The following ARHGAP12 variants were observed in gnomAD, a reference collection of about 807,000 sequenced individuals.
ARHGAP12 encodes rho GTPase-activating protein 12.
In ARHGAP12, 64 loss-of-function variants were observed where a neutral mutation model predicts 108.6. The ratio of observed to expected loss-of-function variants is 0.59; its 90% CI spans 0.48 to 0.73. The LOEUF is 0.73. Among genes scored for constraint, ARHGAP12 ranks in the 30% least tolerant of loss-of-function variants. The probability of loss-of-function intolerance (pLI) is 0.00; values close to 1 mark genes in which losing one functional copy is unlikely to be tolerated. For missense variants in ARHGAP12, 940 were observed against 1,005.9 expected (o/e 0.93, Z 0.89); for synonymous variants, 312 against 337.2 (o/e 0.93, Z 0.82).
intron 1 of ARHGAP12, among the ~76,000 whole-genome samples, chr10:31,923,087 T>C (rs773331807): frequency 1.9e-4 from 25 of 132,934 alleles, no homozygotes; most frequent in Non-Finnish European, 2.4e-4. Flanking sequence ...ACTGTGAACA[T>C]GCCACTGTAC....
intron 3 of ARHGAP12, among the ~76,000 whole-genome samples, chr10:31,879,829 G>A (rs1382698556): frequency 6.6e-6 from 1 of 152,230 alleles, no homozygotes; most frequent in Non-Finnish European, 1.5e-5. Flanking sequence ...GATATCCCAT[G>A]CATTCCAAGT....
Position 31,805,723 on chromosome 10 carries a change from T to C in ARHGAP12, c.*1935A>G, listed in dbSNP as rs1834801446. ...AAGAAACACAGGACAATTTTAATCT[T>C]TGATATATGTTCATGAACACCAAGA... On this transcript the variant is annotated 3_prime_UTR_variant, in exon 20 of 20. Coordinates refer to ENST00000344936, the MANE Select transcript of ARHGAP12 (RefSeq NM_018287.7). 6.6e-6 allele frequency: 1 copy of C among 151,508 alleles called. No individual in the cohort carries two copies. Among genetic ancestry groups the C allele is most frequent in the African/African-American group, 2.4e-5 (1 of 41,088 alleles). The allele number at this position is 151,508 out of a possible 1,614,324, so 9.4% of individuals were successfully genotyped here. A position where few individuals can be genotyped will look rare whatever the true frequency, so the allele number is the denominator to read the frequency against.
intron 3 of ARHGAP12, among the ~76,000 whole-genome samples, chr10:31,878,652 T>G (rs1352544963): frequency 6.6e-6 from 1 of 152,252 alleles, no homozygotes; most frequent in Admixed American, 6.5e-5. Context: ...TGCCTTCTTT[T>G]GTAAATAAAG....
Position 31,812,758 on chromosome 10 carries a change from G to T in ARHGAP12, c.1900C>A (p.Leu634Ile). ...KKTKKNLKKFLTRRPTLQAVR... is the reference protein window; with the variant it reads ...KKTKKNLKKFITRRPTLQAVR... Reference sequence around the variant, plus strand: ...GCTTGCAAAGTGGGGCGTCGTGTAAGAAACTTCTTTAAGTTTTTCTTGGTT... The same window carrying T: ...GCTTGCAAAGTGGGGCGTCGTGTAATAAACTTCTTTAAGTTTTTCTTGGTT... The change falls in exon 15 of 20, where the codon CTT becomes ATT. Residue 634 changes from leucine to isoleucine, a missense_variant. Physicochemically the swap from Leu to Ile is conservative, Grantham distance 5. Coordinates refer to ENST00000344936, the MANE Select transcript of ARHGAP12 (RefSeq NM_018287.7). 3 of 1,609,104 alleles carry T rather than the reference G, an allele frequency of 1.9e-6. No homozygotes were observed. In the Middle Eastern group the frequency reaches 5.0e-4, roughly 266 times the overall value.
At chr10:31,868,703 A>C (rs925753661) in intron 3 of ARHGAP12, among the ~76,000 whole-genome samples, 1 of 151,934 alleles carries the variant, frequency 6.6e-6, no homozygotes, top group African/African-American at 2.4e-5. Context: ...TGGGAGGTTG[A>C]GGCGGGAAGA....
At chr10:31,846,582 T>G (rs1052578215) in intron 6 of ARHGAP12, among the ~76,000 whole-genome samples, 1 of 152,200 alleles carries the variant, frequency 6.6e-6, no homozygotes, top group African/African-American at 2.4e-5. Context: ...CTCACTTCAT[T>G]CAAATTATTA....
At chr10:31,830,047 ATT>A (rs1473682872) in intron 10 of ARHGAP12, among the ~76,000 whole-genome samples, 1 of 152,160 alleles carries the variant, frequency 6.6e-6, no homozygotes, top group East Asian at 1.9e-4. Flanking sequence ...TCTCATGGAA[ATT>A]TTTTGTCTTA....
intron 6 of ARHGAP12, among the ~76,000 whole-genome samples, chr10:31,850,989 A>G (rs1303108625): frequency 6.6e-6 from 1 of 152,130 alleles, no homozygotes; most frequent in East Asian, 1.9e-4. Context: ...GATTTGTGGC[A>G]CTTTTCAATA....
At chr10:31,812,671 A>G in intron 15 of ARHGAP12, 36 bp downstream of exon 15, 1 of 1,283,690 alleles carries the variant, frequency 7.8e-7, no homozygotes, top group Non-Finnish European at 1.1e-6. Flanking sequence ...ACGTAGGCCA[A>G]CATTCATTAT....
chr10:31,846,407 A>G (rs1207879004), intron 6 of ARHGAP12, among the ~76,000 whole-genome samples: 1 of 152,212 alleles, frequency 6.6e-6, no homozygotes, highest in African/African-American at 2.4e-5. Flanking sequence ...CAAGACTGCT[A>G]GGGATAAATC....
chr10:31,908,185 G>C lies in ARHGAP12; in HGVS notation c.671C>G (p.Thr224Ser), dbSNP rs1839212570. The change falls in exon 3 of 20, where the codon ACT becomes AGT. Residue 224 changes from threonine to serine, a missense_variant. By Grantham distance (58) the Thr-to-Ser change is moderately conservative. Coordinates refer to ENST00000344936, the MANE Select transcript of ARHGAP12 (RefSeq NM_018287.7). ...ESGDELSSSS[T>S]EQIRATTPPN... is the part of the protein sequence containing the mutation. ...TTTTAATCTTACCCTTATCTGTTCA[G>C]TGGAGCTGCTGCTAAGTTCATCACC... The C allele has an allele frequency of 4.4e-6, 7 of 1,603,352 alleles. No individual in the cohort carries two copies. Among genetic ancestry groups the C allele is most frequent in the Non-Finnish European group, 5.1e-6 (6 of 1,175,130 alleles).
chr10:31,894,010 C>G (rs1401276147), intron 3 of ARHGAP12, among the ~76,000 whole-genome samples: 1 of 152,172 alleles, frequency 6.6e-6, no homozygotes, highest in Non-Finnish European at 1.5e-5. Flanking sequence ...ATGATTATCT[C>G]AACAGATGCA....
intron 15 of ARHGAP12, 29 bp from the exon 16 acceptor site, chr10:31,810,776 A>G: frequency 2.0e-6 from 3 of 1,533,650 alleles, no homozygotes; most frequent in East Asian, 2.3e-5. Flanking sequence ...TAAAAAGTCA[A>G]TCACCTTGCT....
intron 3 of ARHGAP12, among the ~76,000 whole-genome samples, chr10:31,893,673 A>C (rs946548711): frequency 6.6e-6 from 1 of 152,232 alleles, no homozygotes; most frequent in Non-Finnish European, 1.5e-5. Context: ...AGGTACAAGG[A>C]GGAGCTGGTA....
In ARHGAP12 at chr10:31,908,191, C is replaced by G; in HGVS notation, c.665G>C (p.Ser222Thr). Residue 222 changes from serine (S) to threonine (T), a missense_variant, in exon 3 of 20, where the codon AGC (serine) becomes ACC (threonine). Ser to Thr is a moderately conservative substitution (Grantham distance 58). Coordinates refer to ENST00000344936, the MANE Select transcript of ARHGAP12 (RefSeq NM_018287.7). ...DSESGDELSS[S>T]STEQIRATTP... ...TCTTACCCTTATCTGTTCAGTGGAG[C>G]TGCTGCTAAGTTCATCACCAGATTC... is the stretch of plus-strand genomic sequence containing the variant. 1 of 1,605,218 alleles carries G rather than the reference C, an allele frequency of 6.2e-7. No individual in the cohort carries two copies.
At chr10:31,875,387 A>C (rs930262360) in intron 3 of ARHGAP12, among the ~76,000 whole-genome samples, 1 of 152,232 alleles carries the variant, frequency 6.6e-6, no homozygotes, top group African/African-American at 2.4e-5. Context: ...TTTTGGGTTC[A>C]GTCTAAGCAG....
intron 1 of ARHGAP12, chr10:31,913,776 GTT>G (rs35639251): frequency 9.6e-5 from 14 of 146,498 alleles, no homozygotes; most frequent in Admixed American, 2.0e-4. Context: ...TTCTAGCAGG[GTT>G]TTTTTTTTTT....
At chr10:31,919,863 C>T (rs1425091280) in intron 1 of ARHGAP12, among the ~76,000 whole-genome samples, 3 of 145,542 alleles carry the variant, frequency 2.1e-5, no homozygotes. Flanking sequence ...TCACGCCAGT[C>T]ATCCCAGCAC....
intron 3 of ARHGAP12, among the ~76,000 whole-genome samples, chr10:31,889,001 C>G (rs1838298476): frequency 6.6e-6 from 1 of 151,956 alleles, no homozygotes; most frequent in African/African-American, 2.4e-5. Context: ...CCTCTGCCTC[C>G]CAGGTTCAAA....
Sources: gnomAD v4.1 joint callset for allele counts (sites outside exome capture counted in the v4.1 genomes callset) on GRCh38, gnomAD v4.1.1 for gene constraint, MANE v1.5 for transcripts, NCBI Gene and HGNC (gene_info 2026-07-23, HGNC 2026-07-21) for gene names.